PDZRN4: variants seen among roughly 807,000 people sequenced by gnomAD.
The protein encoded by PDZRN4 is PDZ domain-containing RING finger protein 4.
Under a neutral mutation model 99.0 loss-of-function variants are expected in PDZRN4, and 70 were observed. The ratio of observed to expected loss-of-function variants is 0.71; its 90% CI spans 0.58 to 0.86. The LOEUF (loss-of-function observed/expected upper bound fraction) is 0.86, where lower values mean the gene tolerates loss of function less well. Among genes scored for constraint, PDZRN4 ranks in the 40% least tolerant of loss-of-function variants. The pLI is 0.00. For synonymous variants in PDZRN4, 551 were observed against 501.6 expected (o/e 1.10, Z -1.32); for missense variants, 1,474 against 1,331.2 (o/e 1.11, Z -1.67).
intron 3 of PDZRN4, among the ~76,000 whole-genome samples, chr12:41,467,268 A>T (rs1330020942): frequency 6.6e-6 from 1 of 152,266 alleles, no homozygotes; most frequent in East Asian, 1.9e-4. Context: ...CCAGAAAAAA[A>T]TTTGTTTAAT....
chr12:41,348,203 T>A (rs1951868223), intron 3 of PDZRN4, among the ~76,000 whole-genome samples: 1 of 152,098 alleles, frequency 6.6e-6, no homozygotes, highest in South Asian at 2.1e-4. Flanking sequence ...CCACTTGTAT[T>A]TAGGTTTCTG....
At chr12:41,495,328 T>C (rs1592084208) in intron 3 of PDZRN4, among the ~76,000 whole-genome samples, 1 of 152,110 alleles carries the variant, frequency 6.6e-6, no homozygotes, top group East Asian at 1.9e-4. Flanking sequence ...AACGTCTACT[T>C]GGAATGCCTT....
Position 41,404,205 on chromosome 12 carries a change from GGTTGAATCCACA to G in PDZRN4, c.844-102249_844-102238del, listed in dbSNP as rs1952325717. Among the ~76,000 whole-genome samples the G allele has an allele frequency of 7.9e-5, 12 of 151,992 alleles. No individual in the cohort carries two copies. In the South Asian group the frequency reaches 2.3e-3, roughly 29 times the overall value. ...TTTCAAATATTTTCGATCTGCGGTT[GGTTGAATCCACA>G]GATGCAAAACCCATGGATTCGGAAG... is the stretch of plus-strand genomic sequence containing the variant. On this transcript the variant is annotated intron_variant, in intron 3 of 9. Coordinates refer to ENST00000402685, the MANE Select transcript of PDZRN4 (RefSeq NM_001164595.2).
At chr12:41,313,334 T>C (rs1036155293) in intron 3 of PDZRN4, among the ~76,000 whole-genome samples, 2 of 152,204 alleles carry the variant, frequency 1.3e-5, no homozygotes, top group African/African-American at 4.8e-5. Context: ...CTTTTGCCAT[T>C]GTAAAATGCA....
At chr12:41,338,130 A>G (rs918160867) in intron 3 of PDZRN4, among the ~76,000 whole-genome samples, 1 of 152,106 alleles carries the variant, frequency 6.6e-6, no homozygotes, top group Non-Finnish European at 1.5e-5. Context: ...AATCAATGGA[A>G]GGAACATTTT....
At chr12:41,348,743 A>G (rs1377727703) in intron 3 of PDZRN4, among the ~76,000 whole-genome samples, 1 of 152,040 alleles carries the variant, frequency 6.6e-6, no homozygotes, top group African/African-American at 2.4e-5. Context: ...CATTTTTTTT[A>G]AATGAAACAC....
At chr12:41,406,873 A>G (rs974310454) in intron 3 of PDZRN4, among the ~76,000 whole-genome samples, 4 of 151,876 alleles carry the variant, frequency 2.6e-5, no homozygotes, top group Non-Finnish European at 5.9e-5. Context: ...AAAAAAAAAA[A>G]AAAAAAAGAC....
At chr12:41,311,426 C>T (rs1170801524) in intron 3 of PDZRN4, among the ~76,000 whole-genome samples, 6 of 151,988 alleles carry the variant, frequency 3.9e-5, no homozygotes, top group Non-Finnish European at 7.4e-5. Context: ...TAGAAATACC[C>T]GTTTCACATC....
intron 3 of PDZRN4, among the ~76,000 whole-genome samples, chr12:41,489,900 T>C (rs1937851002): frequency 6.6e-6 from 1 of 152,194 alleles, no homozygotes; most frequent in Non-Finnish European, 1.5e-5. Context: ...TTCTGGCTTC[T>C]TGTTATCATT....
intron 3 of PDZRN4, among the ~76,000 whole-genome samples, chr12:41,254,964 C>A (rs1386975256): frequency 1.3e-5 from 2 of 152,108 alleles, no homozygotes. Context: ...CATGCTGGTG[C>A]AGCTACCTGG....
intron 3 of PDZRN4, among the ~76,000 whole-genome samples, chr12:41,319,273 A>G (rs1452218824): frequency 6.6e-6 from 1 of 152,110 alleles, no homozygotes; most frequent in Non-Finnish European, 1.5e-5. Context: ...ATGCACCCCG[A>G]AAACTGACCT....
At chr12:41,240,872 T>TG (rs539431842) in intron 3 of PDZRN4, among the ~76,000 whole-genome samples, 4 of 152,174 alleles carry the variant, frequency 2.6e-5, no homozygotes, top group Non-Finnish European at 2.9e-5. Context: ...ACTATCATCT[T>TG]GGGGGTTAGG....
chr12:41,383,369 T>C (rs1265910437), intron 3 of PDZRN4, among the ~76,000 whole-genome samples: 1 of 152,250 alleles, frequency 6.6e-6, no homozygotes, highest in African/African-American at 2.4e-5. Context: ...AGCAATGTAA[T>C]GTGCTGAGCA....
chr12:41,441,687 C>A (rs1486647467), intron 3 of PDZRN4, among the ~76,000 whole-genome samples: 1 of 152,132 alleles, frequency 6.6e-6, no homozygotes, highest in East Asian at 1.9e-4. Context: ...TGTCCCAGAT[C>A]TTTCAGAAAT....
chr12:41,383,895 C>T (rs964961714), intron 3 of PDZRN4, among the ~76,000 whole-genome samples: 3 of 151,042 alleles, frequency 2.0e-5, no homozygotes, highest in East Asian at 3.9e-4. Context: ...CTTGGAGGCT[C>T]CTGTAATAAT....
rs1246967579 is a variant in PDZRN4 at position 41,188,732 on chromosome 12, A to G, written c.277A>G (p.Arg93Gly). The part of the protein sequence containing the change: ...YRARGCGHSV[R>G]LHELEAHVEH... ...CGCCCGCGGCTGCGGCCACTCGGTC[A>G]GGCTGCACGAGCTGGAGGCGCACGT... The change falls in exon 1 of 10, where the codon AGG (arginine) becomes GGG (glycine). Residue 93 changes from arginine to glycine, a missense_variant. By Grantham distance (125) the Arg-to-Gly change is moderately radical. Transcript: ENST00000402685. 6.5e-7 allele frequency: 1 copy of G among 1,548,376 alleles called. No individual in the cohort carries two copies. The highest frequency in any genetic ancestry group is 1.2e-5 in the South Asian group (1 of 83,624).
intron 3 of PDZRN4, among the ~76,000 whole-genome samples, chr12:41,421,480 A>C (rs1308579510): frequency 1.3e-5 from 2 of 152,196 alleles, no homozygotes; most frequent in Non-Finnish European, 2.9e-5. Flanking sequence ...GGCATGAGCC[A>C]CCGTGCCCAG....
At chr12:41,537,053 C>A (rs1406707349) in intron 5 of PDZRN4, among the ~76,000 whole-genome samples, 2 of 152,144 alleles carry the variant, frequency 1.3e-5, no homozygotes, top group Non-Finnish European at 2.9e-5. Context: ...TGGGTCCTAG[C>A]AGGCCCTTAT....
At chr12:41,496,344 C>T (rs1164982332) in intron 3 of PDZRN4, among the ~76,000 whole-genome samples, 1 of 152,114 alleles carries the variant, frequency 6.6e-6, no homozygotes, top group Non-Finnish European at 1.5e-5. Context: ...GGATCACCAC[C>T]ATAGCACTGT....
Sources: gnomAD v4.1 joint callset for allele counts (sites outside exome capture counted in the v4.1 genomes callset) on GRCh38, gnomAD v4.1.1 for gene constraint, MANE v1.5 for transcripts, NCBI Gene and HGNC (gene_info 2026-07-23, HGNC 2026-07-21) for gene names.